Variants in PFKFB3 observed in about 807,000 individuals in gnomAD.
The protein encoded by PFKFB3 is 6-phosphofructo-2-kinase/fructose-2,6-bisphosphatase 3.
PFKFB3 carries 33 observed loss-of-function variants against 68.0 expected under a neutral mutation model. That is an observed-to-expected ratio of 0.49 (90% CI 0.37 to 0.65). The LOEUF (loss-of-function observed/expected upper bound fraction) is 0.65, where lower values mean the gene tolerates loss of function less well. Ranked by LOEUF, PFKFB3 falls within the 30% of genes least tolerant of loss-of-function variation. The pLI is 0.00. For synonymous variants in PFKFB3, 315 were observed against 288.2 expected (o/e 1.09, Z -0.94); for missense variants, 586 against 712.2 (o/e 0.82, Z 2.02).
the PFKFB3 span, among the ~76,000 whole-genome samples, chr10:6,287,357 T>G: frequency 3.3e-4 from 50 of 152,312 alleles, no homozygotes; most frequent in African/African-American, 1.2e-3. Flanking sequence ...CTCAAAGTGC[T>G]GGGATTACAG....
intron 11 of PFKFB3, 81 bp downstream of exon 11, chr10:6,223,065 T>C (rs1564636719): frequency 2.1e-6 from 3 of 1,435,196 alleles, no homozygotes; most frequent in Non-Finnish European, 2.8e-6. Context: ...AGACCTGCCG[T>C]GGCCTGCCCT....
the PFKFB3 span, among the ~76,000 whole-genome samples, chr10:6,318,587 G>A: frequency 6.6e-6 from 1 of 152,202 alleles, no homozygotes; most frequent in South Asian, 2.1e-4. Flanking sequence ...TTGCAACAGA[G>A]ATGCTCATTT....
chr10:6,165,626 C>T (rs1350182613), intron 1 of PFKFB3, among the ~76,000 whole-genome samples: 1 of 152,148 alleles, frequency 6.6e-6, no homozygotes, highest in Non-Finnish European at 1.5e-5. Flanking sequence ...AATAGTGGAG[C>T]TCAGATGCAA....
At chr10:6,158,375 T>C (rs1841870810) in intron 1 of PFKFB3, among the ~76,000 whole-genome samples, 1 of 152,134 alleles carries the variant, frequency 6.6e-6, no homozygotes, top group Non-Finnish European at 1.5e-5. Context: ...ACCTCTTTAG[T>C]GATCAGGAAA....
rs144824818 is a variant in PFKFB3 at position 6,240,764 on chromosome 10, G to A, written c.1516-13414G>A. On this transcript the variant is annotated intron_variant, in intron 14 of 14. Transcript: ENST00000640683. ...TCTCACCAGTTTTTCCACTAATGCC[G>A]TTTTTCTGTTTCAGCATCCAGAGTC... 1.4e-3 allele frequency among the ~76,000 whole-genome samples: 214 copies of A among 152,214 alleles called. 1 individual carries two copies. Among genetic ancestry groups the A allele is most frequent in the African/African-American group, 4.4e-3 (184 of 41,546 alleles).
chr10:6,189,668 C>G (rs1404367373), intron 1 of PFKFB3, among the ~76,000 whole-genome samples: 1 of 152,144 alleles, frequency 6.6e-6, no homozygotes, highest in Non-Finnish European at 1.5e-5. Context: ...GCATGCACCA[C>G]CAAGCCCAGC....
At chr10:6,176,489 C>A (rs1227059208) in intron 1 of PFKFB3, among the ~76,000 whole-genome samples, 4 of 152,190 alleles carry the variant, frequency 2.6e-5, no homozygotes, top group African/African-American at 9.7e-5. Flanking sequence ...CTCACTGCAA[C>A]CTCGAATCCT....
the PFKFB3 span, among the ~76,000 whole-genome samples, chr10:6,324,771 T>C: frequency 3.3e-4 from 50 of 151,410 alleles, no homozygotes; most frequent in African/African-American, 1.2e-3. Flanking sequence ...GACTTAAAAA[T>C]GGTTAAATGC....
At chr10:6,219,497 C>T (rs1420330685) in intron 6 of PFKFB3, 72 bp from the exon 7 acceptor site, 1 of 1,581,208 alleles carries the variant, frequency 6.3e-7, no homozygotes, top group Admixed American at 1.7e-5. Context: ...TTTTGAAAGC[C>T]CCAAATCCTG....
At chr10:6,146,518 T>A in intron 1 of PFKFB3, 1 of 1,531,398 alleles carries the variant, frequency 6.5e-7, no homozygotes, top group South Asian at 1.2e-5. Context: ...CCACCTTGAC[T>A]CTGTGGGTTC....
Position 6,228,967 on chromosome 10 carries a change from C to T in PFKFB3, c.1515+2602C>T. On this transcript the variant is annotated intron_variant, in intron 14 of 14. Transcript: ENST00000379775. The surrounding 1 kb of genome is among the most constrained non-coding windows in gnomAD (Gnocchi z 4.5). Reference sequence around the variant, plus strand: ...CTGTGTTCCCACTGCTCTGGGATCCCTTCCCCACCAGGAGCAGAGGCCTTC... The same window carrying T: ...CTGTGTTCCCACTGCTCTGGGATCCTTTCCCCACCAGGAGCAGAGGCCTTC... 2.4e-6 allele frequency: 1 copy of T among 421,138 alleles called. No homozygotes were observed. The highest frequency in any genetic ancestry group is 1.8e-5 in the South Asian group (1 of 55,354). 26.1% of individuals were successfully genotyped at this position (421,138 alleles called of 1,614,324 possible).
At chr10:6,207,499 T>C (rs1276578026) in intron 1 of PFKFB3, among the ~76,000 whole-genome samples, 1 of 152,132 alleles carries the variant, frequency 6.6e-6, no homozygotes, top group African/African-American at 2.4e-5. Flanking sequence ...GCTATGTTGC[T>C]CAGGCTGATC....
chr10:6,281,023 T>C, the PFKFB3 span, among the ~76,000 whole-genome samples: 1 of 151,148 alleles, frequency 6.6e-6, no homozygotes, highest in Non-Finnish European at 1.5e-5. Flanking sequence ...CCTCATAGCT[T>C]AGCTCCCACT....
chr10:6,152,015 T>C lies in PFKFB3; in HGVS notation c.16+7002T>C, dbSNP rs139778750. On this transcript the variant is annotated intron_variant, in intron 1 of 14. Coordinates refer to the PFKFB3 transcript ENST00000379789. ...TGATGCCCCAGAAATTCTGATTTGA[T>C]AGTTTCTGCCTTGATGCCTAGACAA... Among the ~76,000 whole-genome samples the C allele has an allele frequency of 1.4e-3, 212 of 151,604 alleles. 1 individual carries two copies. The highest frequency in any genetic ancestry group is 4.7e-3 in the African/African-American group (194 of 41,374).
chr10:6,200,175 T>C (rs548598438), upstream of PFKFB3, among the ~76,000 whole-genome samples: 4 of 152,216 alleles, frequency 2.6e-5, no homozygotes, highest in African/African-American at 9.7e-5. Context: ...CTAGGTAGTC[T>C]TGAAGTTTCC....
chr10:6,222,690 T>C (rs1254612938), intron 10 of PFKFB3, 165 bp from the exon 11 acceptor site: 1 of 659,892 alleles, frequency 1.5e-6, no homozygotes, highest in African/African-American at 1.9e-5. Flanking sequence ...ACTCTTTTTG[T>C]GGCTGAGCAA....
intron 10 of PFKFB3, 41 bp downstream of exon 10, chr10:6,221,786 A>C: frequency 1.5e-6 from 2 of 1,348,676 alleles, no homozygotes; most frequent in Non-Finnish European, 2.1e-6. Flanking sequence ...CCCAGCACAC[A>C]TGACCACTGC....
chr10:6,167,337 A>G (rs189160433), intron 1 of PFKFB3, among the ~76,000 whole-genome samples: 12 of 152,342 alleles, frequency 7.9e-5, no homozygotes, highest in Non-Finnish European at 1.6e-4. Context: ...TGCGGTCCTC[A>G]GTGTCTGTCT....
At chr10:6,268,069 A>G in the PFKFB3 span, among the ~76,000 whole-genome samples, 1 of 151,252 alleles carries the variant, frequency 6.6e-6, no homozygotes, top group Admixed American at 6.6e-5. Flanking sequence ...AGCAGTTCTC[A>G]TGTCCGCTGC....
Sources: allele counts gnomAD v4.1 joint callset (sites outside exome capture counted in the v4.1 genomes callset), GRCh38; gene constraint gnomAD v4.1.1; non-coding constraint Gnocchi (gnomAD v3.1); transcripts MANE v1.5; gene names NCBI Gene and HGNC (gene_info 2026-07-23, HGNC 2026-07-21).